Variants in ST7 observed in about 807,000 individuals in gnomAD.
The protein encoded by ST7 is suppressor of tumorigenicity 7 protein.
Under a neutral mutation model 78.7 loss-of-function variants are expected in ST7, and 28 were observed. The ratio of observed to expected loss-of-function variants is 0.36; its 90% CI spans 0.26 to 0.49. The LOEUF is 0.49. Among genes scored for constraint, ST7 ranks in the 20% least tolerant of loss-of-function variants. The pLI is 0.99. For missense variants in ST7, 418 were observed against 696.0 expected (o/e 0.60, Z 4.49); for synonymous variants, 247 against 249.6 (o/e 0.99, Z 0.10).
intron 1 of ST7, among the ~76,000 whole-genome samples, chr7:117,012,198 A>G (rs1303095735): frequency 3.9e-5 from 6 of 152,308 alleles, no homozygotes; most frequent in African/African-American, 1.2e-4. Flanking sequence ...ATCATAGAAT[A>G]TAGAAAGAAT....
intron 1 of ST7, among the ~76,000 whole-genome samples, chr7:117,011,818 G>A (rs58423172): frequency 6.6e-6 from 1 of 152,264 alleles, no homozygotes; most frequent in African/African-American, 2.4e-5. Flanking sequence ...TGGGAAGGGG[G>A]CATCTAGGCA....
At chr7:117,205,630 C>T (rs1791677800) in intron 12 of ST7, among the ~76,000 whole-genome samples, 1 of 152,192 alleles carries the variant, frequency 6.6e-6, no homozygotes, top group Non-Finnish European at 1.5e-5. Context: ...AGCAGTTTCC[C>T]TGACAGGTGA....
chr7:117,020,961 A>T (rs761176336), intron 1 of ST7, among the ~76,000 whole-genome samples: 17 of 152,336 alleles, frequency 1.1e-4, no homozygotes, highest in South Asian at 2.1e-4. Flanking sequence ...AAACCTTAAA[A>T]TAGATACTGG....
chr7:116,996,540 G>A (rs1293211541), intron 1 of ST7, among the ~76,000 whole-genome samples: 4 of 152,146 alleles, frequency 2.6e-5, no homozygotes, highest in Admixed American at 6.5e-5. Context: ...ATCTTATCAG[G>A]CTTGCTTAGG....
At chr7:116,979,383 C>G (rs1218021623) in intron 1 of ST7, among the ~76,000 whole-genome samples, 2 of 152,218 alleles carry the variant, frequency 1.3e-5, no homozygotes, top group African/African-American at 4.8e-5. Flanking sequence ...TATGCTGTAT[C>G]TTTCAATAAG....
At chr7:117,020,577 A>G (rs1312799137) in intron 1 of ST7, 6 of 1,544,478 alleles carry the variant, frequency 3.9e-6, no homozygotes, top group Non-Finnish European at 5.2e-6. Flanking sequence ...TCTTTCTTCT[A>G]ATTTTTAAAA....
chr7:117,013,641 A>G (rs1329476553), intron 1 of ST7, among the ~76,000 whole-genome samples: 1 of 152,212 alleles, frequency 6.6e-6, no homozygotes, highest in Admixed American at 6.5e-5. Context: ...CAGCCTAGCC[A>G]ATGTGGCGAA....
At chr7:116,958,672 G>C (rs1468798911) in intron 1 of ST7, 2 of 470,974 alleles carry the variant, frequency 4.2e-6, no homozygotes, top group South Asian at 3.1e-5. Flanking sequence ...TTGGTTCCCG[G>C]CCACTGCAAT....
chr7:117,002,982 C>T (rs1033308218), intron 1 of ST7, among the ~76,000 whole-genome samples: 1 of 151,280 alleles, frequency 6.6e-6, no homozygotes, highest in Non-Finnish European at 1.5e-5. Context: ...ACAACCGTGC[C>T]CAGCTAATTT....
intron 2 of ST7, among the ~76,000 whole-genome samples, chr7:117,114,719 T>C (rs1360343544): frequency 6.6e-6 from 1 of 152,216 alleles, no homozygotes; most frequent in Admixed American, 6.5e-5. Flanking sequence ...GGGAAATTCC[T>C]GACACATGGA....
intron 3 of ST7, among the ~76,000 whole-genome samples, chr7:117,125,215 CACTT>C (rs1803734308): frequency 6.6e-6 from 1 of 152,054 alleles, no homozygotes; most frequent in African/African-American, 2.4e-5. Flanking sequence ...AGCTAGTGAA[CACTT>C]ACTTAGTAAA....
chr7:117,221,876 T>C (rs2116179640), intron 14 of ST7, 47 bp from the exon 15 acceptor site: 2 of 1,550,676 alleles, frequency 1.3e-6, no homozygotes, highest in East Asian at 4.8e-5. Flanking sequence ...CCCCTGAGAG[T>C]GCAGTTTACT....
At chr7:117,049,775 A>G (rs1797674853) in intron 1 of ST7, among the ~76,000 whole-genome samples, 1 of 152,214 alleles carries the variant, frequency 6.6e-6, no homozygotes. Flanking sequence ...TCACATATCA[A>G]GCAGTTCACT....
intron 2 of ST7, among the ~76,000 whole-genome samples, chr7:117,117,270 G>A (rs181434574): frequency 4.1e-4 from 62 of 152,292 alleles, no homozygotes; most frequent in African/African-American, 1.4e-3. Flanking sequence ...CAGGGTTTGT[G>A]TGTGTGTGAT....
chr7:117,129,465 T>C (rs1804154366), intron 3 of ST7, among the ~76,000 whole-genome samples: 1 of 151,958 alleles, frequency 6.6e-6, no homozygotes. Flanking sequence ...TACTTTTATC[T>C]ATAAGGTTTT....
rs1372287226 is a variant in ST7, at chr7:117,036,808, C to A, written c.152-62954C>A. ...ATTTGCATCATAATAAAATGCTCTG[C>A]ATTTTGGTAGAAAGCCCTAGTTGCT... is the stretch of plus-strand genomic sequence containing the variant. On this transcript the variant is annotated intron_variant, in intron 1 of 15. Coordinates refer to ENST00000323984, the MANE Select transcript of ST7 (RefSeq NM_001369598.1). 2.0e-5 allele frequency among the ~76,000 whole-genome samples: 3 copies of A among 152,136 alleles called. No homozygotes were observed. In the East Asian group the frequency reaches 5.8e-4, roughly 29 times the overall value.
Position 117,209,909 on chromosome 7 carries a change from G to A in ST7, c.1377G>A (p.Leu459=). Residue 459 remains leucine (L), a synonymous_variant, in exon 13 of 16, where the codon TTG becomes TTA. Transcript: ENST00000323984. ...ACTGGAAGAGAGTGGAAGGGGCTTT[G>A]AATCTTTTGCATTGTACGTGGGAAG... ...LAHWKRVEGA[L]NLLHCTWEGT... The A allele has an allele frequency of 1.2e-6, 2 of 1,613,902 alleles. No homozygotes were observed. Among genetic ancestry groups the A allele is most frequent in the Middle Eastern group, 1.6e-4 (1 of 6,062 alleles).
At chr7:117,116,030 G>A (rs1321594300) in intron 2 of ST7, among the ~76,000 whole-genome samples, 1 of 152,120 alleles carries the variant, frequency 6.6e-6, no homozygotes, top group Non-Finnish European at 1.5e-5. Context: ...ATCAAGAAAA[G>A]CAACCAAGGT....
At position 117,056,519 on chromosome 7, in the gene ST7, C is replaced by G. The variant is rs539881672; in HGVS notation, c.152-43243C>G. Among the ~76,000 whole-genome samples the G allele has an allele frequency of 6.6e-5, 10 of 152,238 alleles. No individual in the cohort carries two copies. The East Asian group carries it at 1.9e-3, about 29-fold the overall frequency. Reference sequence around the variant, plus strand: ...GTGTGGTGGCACATGCCTGTAATCACAGCTACTCGGGAGCCTGAGGCAGGA... The same window carrying G: ...GTGTGGTGGCACATGCCTGTAATCAGAGCTACTCGGGAGCCTGAGGCAGGA... On this transcript the variant is annotated intron_variant, in intron 1 of 15. Transcript: ENST00000323984.
Sources: allele counts gnomAD v4.1 joint callset (sites outside exome capture counted in the v4.1 genomes callset), GRCh38; gene constraint gnomAD v4.1.1; transcripts MANE v1.5; gene names NCBI Gene and HGNC (gene_info 2026-07-23, HGNC 2026-07-21).